SCAP: variants seen among roughly 807,000 people sequenced by gnomAD.
SCAP encodes the protein sterol regulatory element-binding protein cleavage-activating protein.
A neutral mutation model predicts 123.6 loss-of-function variants in SCAP; 65 were observed. That is an observed-to-expected ratio of 0.53 (90% CI 0.43 to 0.65). The LOEUF (loss-of-function observed/expected upper bound fraction) is 0.65, where lower values mean the gene tolerates loss of function less well. Ranked by LOEUF, SCAP falls within the 30% of genes least tolerant of loss-of-function variation. The pLI, the probability that SCAP is intolerant of heterozygous loss-of-function variation, is 0.00. For synonymous variants in SCAP, 740 were observed against 726.3 expected (o/e 1.02, Z -0.30); for missense variants, 1,398 against 1,712.5 (o/e 0.82, Z 3.24).
Position 47,417,519 on chromosome 3 carries a change from C to G in SCAP, c.2755G>C (p.Val919Leu). 6.4e-7 allele frequency: 1 copy of G among 1,559,490 alleles called. No individual in the cohort carries two copies. Among genetic ancestry groups the G allele is most frequent in the East Asian group, 2.4e-5 (1 of 41,956 alleles). The change falls in exon 17 of 23, where the codon GTG becomes CTG. Residue 919 changes from valine (V) to leucine (L), a missense_variant. By Grantham distance (32) the Val-to-Leu change is conservative. This residue lies in a region of SCAP where 828 missense variants were observed against 882.5 expected (regional missense o/e 0.94). Transcript: ENST00000265565. The part of the protein sequence containing the change: ...GYDFSCLVQR[V>L]YQEEGLAAVC... ...GCCGCCAGCCCCTCCTCCTGGTACA[C>G]CCGCTGCACCAGGCAGCTGAAGTCA...
Position 47,419,182 on chromosome 3 carries a change from G to T in SCAP, c.1940+146C>A. The T allele has an allele frequency of 8.7e-7, 1 of 1,149,480 alleles. No individual in the cohort carries two copies. The highest frequency in any genetic ancestry group is 1.2e-6 in the Non-Finnish European group (1 of 835,818). 71.2% of individuals were successfully genotyped at this position (1,149,480 alleles called of 1,614,324 possible). A position where few individuals can be genotyped will look rare whatever the true frequency, so the allele number is the denominator to read the frequency against. The stretch of plus-strand genomic sequence containing the variant: ...GGGACTCCTCTCTTGGGTTATAGCT[G>T]CCTAAACCACCAGTTCCCACCTCAC... On this transcript the variant is annotated intron_variant, in intron 13 of 22. Transcript: ENST00000265565. The surrounding 1 kb of genome is among the most constrained non-coding windows in gnomAD (Gnocchi z 5.0).
At chr3:47,426,283 G>A (rs938880233) in intron 6 of SCAP, 114 bp from the exon 7 acceptor site, 1 of 1,078,456 alleles carries the variant, frequency 9.3e-7, no homozygotes, top group Non-Finnish European at 1.3e-6. Context: ...TGTGTTGAAA[G>A]GGAACTTCTC....
At chr3:47,475,660 G>C (rs1708241310) in intron 1 of SCAP, 139 bp downstream of exon 1, 1 of 152,460 alleles carries the variant, frequency 6.6e-6, no homozygotes. Context: ...CTCCAGGGCC[G>C]GCCCGCACGG....
intron 3 of SCAP, 134 bp downstream of exon 3, chr3:47,434,874 A>G (rs1576278723): frequency 2.7e-6 from 3 of 1,110,250 alleles, no homozygotes; most frequent in East Asian, 4.8e-5. Flanking sequence ...TATATGGTAC[A>G]CTGATAAAGC....
At chr3:47,473,730 C>G (rs1378912838) in intron 1 of SCAP, among the ~76,000 whole-genome samples, 1 of 152,194 alleles carries the variant, frequency 6.6e-6, no homozygotes, top group Non-Finnish European at 1.5e-5. Flanking sequence ...AAGTCTACCA[C>G]CAAATGTTAA....
chr3:47,422,641 C>T (rs921097247), intron 9 of SCAP, 105 bp from the exon 10 acceptor site: 2 of 910,576 alleles, frequency 2.2e-6, no homozygotes, highest in Non-Finnish European at 3.3e-6. Context: ...CAAGGCCCCC[C>T]AGCCCTTTGA....
intron 1 of SCAP, among the ~76,000 whole-genome samples, chr3:47,447,236 C>T (rs1362186817): frequency 3.3e-5 from 5 of 151,852 alleles, no homozygotes; most frequent in Non-Finnish European, 7.4e-5. Flanking sequence ...CCCTTCTCTA[C>T]TAAAAACAGA....
In SCAP at chr3:47,445,243, C is replaced by CT. The variant is rs970206797; in HGVS notation, c.-98-2153dup. ...TTTGTTTGAATACCTGTTTTCAATT[C>CT]TTTTTTTTTTTTTTTTTTTTGAGAT... On this transcript the variant is annotated intron_variant, in intron 1 of 22. Coordinates refer to ENST00000265565, the MANE Select transcript of SCAP (RefSeq NM_012235.4). Among the ~76,000 whole-genome samples the CT allele has an allele frequency of 8.2e-3, 913 of 111,844 alleles. 6 individuals carry two copies. Among genetic ancestry groups the CT allele is most frequent in the African/African-American group, 0.013 (385 of 30,172 alleles). The allele number at this position is 111,844 out of a possible 152,430, so 73.4% of individuals were successfully genotyped here.
chr3:47,469,657 C>A (rs771100180), intron 1 of SCAP: 6 of 243,470 alleles, frequency 2.5e-5, no homozygotes, highest in Non-Finnish European at 3.3e-5. Flanking sequence ...CTGCACCCAG[C>A]CACCAAATAA....
At chr3:47,422,595 C>T (rs898617297) in intron 9 of SCAP, 59 bp from the exon 10 acceptor site, 4 of 1,412,394 alleles carry the variant, frequency 2.8e-6, no homozygotes, top group African/African-American at 1.4e-5. Flanking sequence ...ACATGACTCA[C>T]ACAACCTCAT....
intron 1 of SCAP, among the ~76,000 whole-genome samples, chr3:47,454,299 C>A (rs1393662716): frequency 6.6e-6 from 1 of 150,442 alleles, no homozygotes; most frequent in Middle Eastern, 3.5e-3. Context: ...CCCCGGGGGA[C>A]GGAGCCTGCA....
At chr3:47,425,738 C>G in intron 7 of SCAP, 127 bp from the exon 8 acceptor site, 1 of 1,045,856 alleles carries the variant, frequency 9.6e-7, no homozygotes, top group South Asian at 1.5e-5. Flanking sequence ...AGGAAAGGGA[C>G]AGGCACAAGC....
At chr3:47,456,844 G>C (rs1475939032) in intron 1 of SCAP, among the ~76,000 whole-genome samples, 1 of 151,880 alleles carries the variant, frequency 6.6e-6, no homozygotes, top group African/African-American at 2.4e-5. Context: ...CGCTGACAAG[G>C]TGCTAAATTC....
At chr3:47,467,533 G>A (rs1175074211) in intron 1 of SCAP, among the ~76,000 whole-genome samples, 1 of 151,896 alleles carries the variant, frequency 6.6e-6, no homozygotes, top group African/African-American at 2.4e-5. Context: ...TGGGACCAGA[G>A]GCTTGAGGCT....
At chr3:47,449,222 C>A (rs7615610) in intron 1 of SCAP, among the ~76,000 whole-genome samples, 1,218 of 60,196 alleles carry the variant, frequency 0.02, 251 homozygotes, top group African/African-American at 0.052. Flanking sequence ...GAGGAACAGC[C>A]CAAGAGTTCA....
Position 47,415,144 on chromosome 3 carries a change from G to T in SCAP, c.3093C>A (p.Phe1031Leu). ...VAARLNGSLD[F>L]FSLETHTALS... ...GGGCAGTGTGGGTCTCCAAGGAGAA[G>T]AAATCAAGGGAACCGTTGAGCCGTG... is the stretch of plus-strand genomic sequence containing the variant. The change falls in exon 19 of 23, where the codon TTC becomes TTA. Residue 1031 changes from phenylalanine to leucine, a missense_variant. Coordinates refer to ENST00000265565, the MANE Select transcript of SCAP (RefSeq NM_012235.4). The T allele has an allele frequency of 6.2e-7, 1 of 1,612,360 alleles. No homozygotes were observed. The highest frequency in any genetic ancestry group is 8.5e-7 in the Non-Finnish European group (1 of 1,179,606).
At position 47,472,268 on chromosome 3, in the gene SCAP, C is replaced by A. The variant is rs545620627; in HGVS notation, c.-99+3531G>T. ...CTAACAAGGTGAAACCCCGTCTCTA[C>A]TAAAAATACAAAAAAATTAGCCGGG... On this transcript the variant is annotated intron_variant, in intron 1 of 22. Transcript: ENST00000265565. Among the ~76,000 whole-genome samples, 296 of 150,862 alleles carry A rather than the reference C, an allele frequency of 2.0e-3. 3 individuals are homozygous for A. Among genetic ancestry groups the A allele is most frequent in the African/African-American group, 6.5e-3 (269 of 41,208 alleles).
chr3:47,425,623 A>G lies in SCAP; in HGVS notation c.911-12T>C, dbSNP rs200087732. The G allele has an allele frequency of 6.2e-7, 1 of 1,613,700 alleles. No individual in the cohort carries two copies. The highest frequency in any genetic ancestry group is 1.1e-5 in the South Asian group (1 of 91,070). On this transcript the variant is annotated splice_polypyrimidine_tract_variant and intron_variant, in intron 7 of 22. Coordinates refer to ENST00000265565, the MANE Select transcript of SCAP (RefSeq NM_012235.4). ...CATGTCGATCTTCCCTGGAGGGCAG[A>G]GAGGGCGTATCAGGGCGGCCCCTCC... is the stretch of plus-strand genomic sequence containing the variant.
rs186569379 is a variant in SCAP at position 47,433,334 on chromosome 3, C to A, written c.252+1674G>T. ...GCCCTGGGCCCATCTCCTTCTCAATCCTGCAGGGGATGAGCGCTCCAATCA... is the reference window on the plus strand; with the variant it reads ...GCCCTGGGCCCATCTCCTTCTCAATACTGCAGGGGATGAGCGCTCCAATCA... On this transcript the variant is annotated intron_variant, in intron 3 of 22. Transcript: ENST00000265565. Among the ~76,000 whole-genome samples, 4 of 152,272 alleles carry A rather than the reference C, an allele frequency of 2.6e-5. No individual in the cohort carries two copies. The East Asian group carries it at 7.7e-4, about 29-fold the overall frequency.
Sources: gnomAD v4.1 joint callset for allele counts (sites outside exome capture counted in the v4.1 genomes callset) on GRCh38, gnomAD v4.1.1 for gene constraint, gnomAD v4.1.1 regional missense constraint, Gnocchi (gnomAD v3.1) non-coding constraint, MANE v1.5 for transcripts, NCBI Gene and HGNC (gene_info 2026-07-23, HGNC 2026-07-21) for gene names.